The following UNC79 variants were observed in gnomAD, a reference collection of about 807,000 sequenced individuals.
The protein encoded by UNC79 is protein unc-79 homolog.
In UNC79, 37 loss-of-function variants were observed where a neutral mutation model predicts 283.1. That is an observed-to-expected ratio of 0.13 (90% CI 0.10 to 0.17). The LOEUF (loss-of-function observed/expected upper bound fraction) is 0.17. Ranked by LOEUF, UNC79 falls within the 10% of genes least tolerant of loss-of-function variation. The probability of loss-of-function intolerance (pLI) is 1.00; values close to 1 mark genes in which losing one functional copy is unlikely to be tolerated. For synonymous variants in UNC79, 1,107 were observed against 1,200.2 expected (o/e 0.92, Z 1.61); for missense variants, 2,272 against 3,211.1 (o/e 0.71, Z 7.07).
chr14:93,652,131 G>A (rs1478476929), intron 35 of UNC79, among the ~76,000 whole-genome samples: 5 of 151,774 alleles, frequency 3.3e-5, no homozygotes, highest in African/African-American at 1.2e-4. Flanking sequence ...TGGGAGAGTC[G>A]GCACCCTTTT....
chr14:93,453,208 T>C (rs1208206886), intron 1 of UNC79, among the ~76,000 whole-genome samples: 1 of 152,246 alleles, frequency 6.6e-6, no homozygotes, highest in Non-Finnish European at 1.5e-5. Context: ...CTGTGTCTTC[T>C]TATGGAGTAG....
chr14:93,432,569 CT>C (rs2140098066), intron 1 of UNC79, among the ~76,000 whole-genome samples: 1 of 152,290 alleles, frequency 6.6e-6, no homozygotes, highest in African/African-American at 2.4e-5. Flanking sequence ...TCCATCTCCT[CT>C]AAATAGTTAG....
At chr14:93,371,108 C>G (rs568097524) in intron 1 of UNC79, among the ~76,000 whole-genome samples, 10 of 152,042 alleles carry the variant, frequency 6.6e-5, no homozygotes, top group African/African-American at 2.2e-4. Context: ...GGGGTGGGTG[C>G]GGGGTGGCTC....
intron 5 of UNC79, among the ~76,000 whole-genome samples, chr14:93,491,879 G>C (rs2058744982): frequency 6.6e-6 from 1 of 152,180 alleles, no homozygotes; most frequent in Admixed American, 6.5e-5. Context: ...AGGAATCATA[G>C]TTGGGACCCA....
intron 4 of UNC79, among the ~76,000 whole-genome samples, chr14:93,478,051 G>T (rs987804416): frequency 2.0e-5 from 3 of 152,190 alleles, no homozygotes; most frequent in African/African-American, 7.2e-5. Context: ...GGAAAGTATT[G>T]TCTCAGATGC....
chr14:93,591,225 G>A (rs1407846511), intron 22 of UNC79, among the ~76,000 whole-genome samples: 2 of 152,112 alleles, frequency 1.3e-5, no homozygotes, highest in African/African-American at 4.8e-5. Context: ...TATGCTCTCT[G>A]TAAAATGGAG....
chr14:93,466,247 G>C (rs2057173964), intron 1 of UNC79, among the ~76,000 whole-genome samples: 1 of 152,220 alleles, frequency 6.6e-6, no homozygotes, highest in Non-Finnish European at 1.5e-5. Context: ...TAGTGGAAGA[G>C]AGAAAAGGCA....
At chr14:93,546,293 C>T (rs2061598764) in intron 14 of UNC79, among the ~76,000 whole-genome samples, 1 of 152,120 alleles carries the variant, frequency 6.6e-6, no homozygotes, top group African/African-American at 2.4e-5. Flanking sequence ...AAACTATAAG[C>T]TAAATATCTC....
intron 47 of UNC79, among the ~76,000 whole-genome samples, chr14:93,702,307 G>A (rs1228562952): frequency 2.6e-5 from 4 of 152,076 alleles, no homozygotes; most frequent in Non-Finnish European, 4.4e-5. Flanking sequence ...GGCATCTTCT[G>A]ATATTTTCAG....
In UNC79 at chr14:93,467,628, C is replaced by CTTTTT. The variant is rs398026224; in HGVS notation, c.23-17_23-13dup. On this transcript the variant is annotated intron_variant, in intron 1 of 48. Transcript: ENST00000555664. ...ATTCTTCTCTTTCTTTTTCTTCTTCCTTTTTTTTTTTTTTTTTTTTTTTTT... is the reference window on the plus strand; with the variant it reads ...ATTCTTCTCTTTCTTTTTCTTCTTCCTTTTTTTTTTTTTTTTTTTTTTTTTTTTTT... 5.3e-3 allele frequency: 4,074 copies of CTTTTT among 762,040 alleles called. 1,742 individuals carry two copies. The highest frequency in any genetic ancestry group is 5.5e-3 in the Non-Finnish European group (3,706 of 673,376). The allele number at this position is 762,040 out of a possible 1,614,324, so 47.2% of individuals were successfully genotyped here.
chr14:93,559,769 C>T (rs981606696), intron 14 of UNC79, among the ~76,000 whole-genome samples: 14 of 152,112 alleles, frequency 9.2e-5, no homozygotes, highest in Admixed American at 3.9e-4. Flanking sequence ...TCACTTTCTT[C>T]GGGCCATCTG....
rs757934821 is a variant in UNC79 at position 93,538,268 on chromosome 14, G to A, written c.1352+50G>A. ...GCCTCTGACAACTCCACCTTGCTTT[G>A]AGCTAAGCTCCGCACACTGAGATGT... On this transcript the variant is annotated intron_variant, in intron 12 of 48. Coordinates refer to ENST00000555664, the Ensembl canonical transcript of UNC79. 26 of 1,480,538 alleles carry A rather than the reference G, an allele frequency of 1.8e-5. No individual in the cohort carries two copies. In the South Asian group the frequency reaches 3.6e-4, roughly 21 times the overall value. The allele number at this position is 1,480,538 out of a possible 1,614,324, so 91.7% of individuals were successfully genotyped here. A position where few individuals can be genotyped will look rare whatever the true frequency, so the allele number is the denominator to read the frequency against.
intron 1 of UNC79, among the ~76,000 whole-genome samples, chr14:93,401,640 G>GT (rs1459596102): frequency 6.6e-6 from 1 of 152,194 alleles, no homozygotes; most frequent in Non-Finnish European, 1.5e-5. Flanking sequence ...GAAAATTGTT[G>GT]TTGGCTCCTT....
chr14:93,457,738 G>A lies in UNC79; in HGVS notation c.23-9933G>A, dbSNP rs989822090. On this transcript the variant is annotated intron_variant, in intron 1 of 48. Coordinates refer to ENST00000555664, the Ensembl canonical transcript of UNC79. Reference sequence around the variant, plus strand: ...CTGGGTGTCATGTGGAAAAAGGATCGAAAGGGAATCAGTCTGGACATCACA... The same window carrying A: ...CTGGGTGTCATGTGGAAAAAGGATCAAAAGGGAATCAGTCTGGACATCACA... Among the ~76,000 whole-genome samples, 6 of 152,326 alleles carry A rather than the reference G, an allele frequency of 3.9e-5. No individual in the cohort carries two copies. In the East Asian group the frequency reaches 9.6e-4, roughly 24 times the overall value.
At chr14:93,677,463 C>T (rs138790088) in intron 41 of UNC79, among the ~76,000 whole-genome samples, 2 of 152,262 alleles carry the variant, frequency 1.3e-5, no homozygotes, top group East Asian at 3.9e-4. Flanking sequence ...ATTTATAAAA[C>T]CATCAGATCT....
intron 1 of UNC79, among the ~76,000 whole-genome samples, chr14:93,421,834 G>T (rs140096309): frequency 6.7e-6 from 1 of 150,326 alleles, no homozygotes; most frequent in African/African-American, 2.4e-5. Flanking sequence ...TTATCCCAGG[G>T]ATGCAATGTT....
In UNC79 at chr14:93,474,108, A is replaced by G. The variant is rs1395438929; in HGVS notation, c.163A>G (p.Lys55Glu). The G allele has an allele frequency of 1.3e-6, 2 of 1,535,612 alleles. No individual in the cohort carries two copies. The highest frequency in any genetic ancestry group is 1.7e-6 in the Non-Finnish European group (2 of 1,146,648). The change falls in exon 3 of 49, where the codon AAG becomes GAG. Residue 55 changes from lysine (K) to glutamate (E), a missense_variant. Coordinates refer to ENST00000555664, the Ensembl canonical transcript of UNC79. This position sits in a 1 kb window ranked among gnomAD's most constrained non-coding sequence, Gnocchi z 4.1. ...CAACAGCATTTTGTCCCGCACAGGG[A>G]AGAAGGAAAACCAAGATGCCTCCAA...
At position 93,591,599 on chromosome 14, in the gene UNC79, C is replaced by T. The variant is rs1315508908; in HGVS notation, c.3033-2081C>T. 2.0e-5 allele frequency among the ~76,000 whole-genome samples: 3 copies of T among 152,216 alleles called. No homozygotes were observed. In the East Asian group the frequency reaches 5.8e-4, roughly 29 times the overall value. On this transcript the variant is annotated intron_variant, in intron 22 of 48. Coordinates refer to ENST00000555664, the Ensembl canonical transcript of UNC79. Reference sequence around the variant, plus strand: ...ACCGTAAGTTTATGCCATCTGTTTACAAGATGAATTGTCTGTTTGAAATGG... The same window carrying T: ...ACCGTAAGTTTATGCCATCTGTTTATAAGATGAATTGTCTGTTTGAAATGG...
intron 1 of UNC79, chr14:93,347,957 A>G: frequency 1.1e-6 from 1 of 904,146 alleles, no homozygotes; most frequent in South Asian, 1.4e-5. Flanking sequence ...TTTTTTAAGC[A>G]CTTTTTGTTA....
Sources: gnomAD v4.1 joint callset for allele counts (sites outside exome capture counted in the v4.1 genomes callset) on GRCh38, gnomAD v4.1.1 for gene constraint, Gnocchi (gnomAD v3.1) non-coding constraint, MANE v1.5 for transcripts, NCBI Gene and HGNC (gene_info 2026-07-23, HGNC 2026-07-21) for gene names.